Variants in BBS7 observed in about 807,000 individuals in gnomAD.
BBS7 encodes the protein Bardet-Biedl syndrome 7, also known as BBSome complex member BBS7.
A neutral mutation model predicts 90.3 loss-of-function variants in BBS7; 50 were observed. The observed-to-expected ratio is 0.55, with a 90% CI of 0.44 to 0.70. The LOEUF (loss-of-function observed/expected upper bound fraction) is 0.70. BBS7 is among the 30% of genes least tolerant of loss of function. The pLI is 0.00. For synonymous variants in BBS7, 235 were observed against 287.4 expected (o/e 0.82, Z 1.85); for missense variants, 729 against 838.9 (o/e 0.87, Z 1.62).
chr4:121,835,213 C>T lies in BBS7; in HGVS notation c.1442G>A (p.Cys481Tyr), dbSNP rs886059053. 19 of 1,613,838 alleles carry T rather than the reference C, an allele frequency of 1.2e-5. No individual in the cohort carries two copies. The highest frequency in any genetic ancestry group is 1.5e-5 in the Non-Finnish European group (18 of 1,179,848). The part of the protein sequence containing the change: ...YVTPRIQPKT[C>Y]QVRQYHIKPL... The stretch of plus-strand genomic sequence containing the variant: ...TTTGATGTGGTACTGGCGGACCTGA[C>T]AGGTTTTGGGTTGAATTCTTGGAGT... Residue 481 changes from cysteine (C) to tyrosine (Y), a missense_variant, in exon 14 of 19, where the codon TGT becomes TAT. Coordinates refer to ENST00000264499, the MANE Select transcript of BBS7 (RefSeq NM_176824.3).
At chr4:121,843,038 T>C (rs1181270162) in intron 12 of BBS7, among the ~76,000 whole-genome samples, 3 of 152,098 alleles carry the variant, frequency 2.0e-5, no homozygotes, top group African/African-American at 7.2e-5. Context: ...ACAGATCATG[T>C]TCCAATGCAG....
intron 8 of BBS7, among the ~76,000 whole-genome samples, chr4:121,851,733 CTG>C (rs1726331744): frequency 6.6e-6 from 1 of 152,218 alleles, no homozygotes; most frequent in Non-Finnish European, 1.5e-5. Flanking sequence ...CCAGTCCAGA[CTG>C]TGTCAGACAG....
chr4:121,870,158 C>T (rs1727506137), intron 1 of BBS7, 120 bp downstream of exon 1: 9 of 1,313,638 alleles, frequency 6.9e-6, no homozygotes, highest in Non-Finnish European at 9.9e-6. Flanking sequence ...GGCACCCAGC[C>T]CGGCTCCTTC....
At chr4:121,827,891 A>C in intron 18 of BBS7, 1 of 1,199,254 alleles carries the variant, frequency 8.3e-7, no homozygotes, top group Non-Finnish European at 1.1e-6. Context: ...ATATATATAG[A>C]TTAATTCATC....
In BBS7 at chr4:121,824,392, C is replaced by T. The variant is rs1481409925; in HGVS notation, c.*1468G>A. ...TAAATAATGTGCATAAATTATTTAACACGGAGCTCACATAGTAATACAGTA... is the reference window on the plus strand; with the variant it reads ...TAAATAATGTGCATAAATTATTTAATACGGAGCTCACATAGTAATACAGTA... On this transcript the variant is annotated 3_prime_UTR_variant, in exon 19 of 19. Coordinates refer to ENST00000264499, the MANE Select transcript of BBS7 (RefSeq NM_176824.3). This position sits in a 1 kb window ranked among gnomAD's most constrained non-coding sequence, Gnocchi z 4.1. 1.3e-5 allele frequency: 2 copies of T among 152,168 alleles called. No individual in the cohort carries two copies. The highest frequency in any genetic ancestry group is 2.9e-5 in the Non-Finnish European group (2 of 68,026). The allele number at this position is 152,168 out of a possible 1,614,324, so 9.4% of individuals were successfully genotyped here.
intron 8 of BBS7, among the ~76,000 whole-genome samples, chr4:121,852,627 A>G (rs1331489202): frequency 6.6e-6 from 1 of 152,128 alleles, no homozygotes; most frequent in Non-Finnish European, 1.5e-5. Context: ...AAAACAACAG[A>G]CTTACTTATA....
chr4:121,858,693 A>G (rs1241603636), intron 5 of BBS7: 3 of 277,294 alleles, frequency 1.1e-5, no homozygotes, highest in Non-Finnish European at 2.1e-5. Context: ...AAAACAAAAC[A>G]AAAAGGCAGG....
intron 12 of BBS7, among the ~76,000 whole-genome samples, chr4:121,841,981 G>A (rs530189229): frequency 1.3e-5 from 2 of 152,188 alleles, no homozygotes; most frequent in South Asian, 4.1e-4. Context: ...GCTGGGCACA[G>A]TGGCTCACAC....
chr4:121,864,493 T>C (rs1727154312), intron 2 of BBS7, among the ~76,000 whole-genome samples: 1 of 152,226 alleles, frequency 6.6e-6, no homozygotes, highest in African/African-American at 2.4e-5. Context: ...AAATTCTTTG[T>C]TTTGAAAAAT....
chr4:121,869,782 G>C (rs1436002838), intron 1 of BBS7, among the ~76,000 whole-genome samples: 2 of 152,122 alleles, frequency 1.3e-5, no homozygotes, highest in Non-Finnish European at 2.9e-5. Context: ...TAGGTGATCC[G>C]CCCGCCTCGG....
Position 121,843,966 on chromosome 4 carries a change from T to C in BBS7, c.1266A>G (p.Lys422=), listed in dbSNP as rs1395125870. The C allele has an allele frequency of 6.2e-7, 1 of 1,602,956 alleles. No individual in the cohort carries two copies. ...TGCTAAAGCTAACAACAGCAGAATT[T>C]TTATCCACATCAAGTAAATCTATTG... ...DVPIDLLDVD[K]NSAVVSFSSC... Residue 422 remains lysine, a synonymous_variant, in exon 12 of 19, where the codon AAA becomes AAG. Transcript: ENST00000264499.
In BBS7 at chr4:121,828,985, T is replaced by TA. The variant is rs5861540; in HGVS notation, c.1677-258dup. On this transcript the variant is annotated intron_variant, in intron 15 of 18. Transcript: ENST00000264499. The stretch of plus-strand genomic sequence containing the variant: ...TGACAATTTATATAAAAACTTCATT[T>TA]AAACAACTTTTATCTTCATTTTTCA... 0.79 allele frequency among the ~76,000 whole-genome samples: 120,036 copies of TA among 152,086 alleles called. 47,789 individuals carry two copies. The highest frequency in any genetic ancestry group is 0.89 in the African/African-American group (37,134 of 41,522).
chr4:121,870,047 G>T (rs899779230), intron 1 of BBS7, among the ~76,000 whole-genome samples: 4 of 152,206 alleles, frequency 2.6e-5, no homozygotes, highest in Admixed American at 1.3e-4. Context: ...CTCAGGACCC[G>T]GCAGAAGCCA....
chr4:121,838,903 C>CAAA (rs35360596), intron 13 of BBS7, among the ~76,000 whole-genome samples: 4 of 103,736 alleles, frequency 3.9e-5, no homozygotes, highest in African/African-American at 1.9e-4. Context: ...GACTCCATCT[C>CAAA]AAAAAAAAAA....
intron 8 of BBS7, among the ~76,000 whole-genome samples, chr4:121,850,788 C>T (rs1006072762): frequency 6.6e-5 from 10 of 152,112 alleles, no homozygotes; most frequent in African/African-American, 2.4e-4. Flanking sequence ...TTAAACCGGA[C>T]AATCAACAAA....
intron 8 of BBS7, among the ~76,000 whole-genome samples, chr4:121,851,632 G>A (rs1413050823): frequency 6.6e-6 from 1 of 152,078 alleles, no homozygotes; most frequent in Admixed American, 6.6e-5. Context: ...GAATATACAA[G>A]TTTAAGTTAA....
intron 4 of BBS7, among the ~76,000 whole-genome samples, chr4:121,860,041 T>A (rs931252103): frequency 1.3e-5 from 2 of 152,118 alleles, no homozygotes; most frequent in African/African-American, 4.8e-5. Flanking sequence ...CCAAGTTCTA[T>A]TAAAAAATTT....
intron 13 of BBS7, among the ~76,000 whole-genome samples, chr4:121,835,551 A>G (rs1388243877): frequency 6.6e-6 from 1 of 152,132 alleles, no homozygotes; most frequent in Non-Finnish European, 1.5e-5. Flanking sequence ...CATGAGGGGG[A>G]AAATATCAAC....
At chr4:121,853,308 A>G (rs968501604) in intron 7 of BBS7, among the ~76,000 whole-genome samples, 15 of 152,236 alleles carry the variant, frequency 9.9e-5, no homozygotes, top group Non-Finnish European at 1.3e-4. Flanking sequence ...ATCTCCCTCC[A>G]GCTCTGGCCA....
Sources: gnomAD v4.1 joint callset for allele counts (sites outside exome capture counted in the v4.1 genomes callset) on GRCh38, gnomAD v4.1.1 for gene constraint, Gnocchi (gnomAD v3.1) non-coding constraint, MANE v1.5 for transcripts, NCBI Gene and HGNC (gene_info 2026-07-23, HGNC 2026-07-21) for gene names.